Variants in SP1 observed in about 807,000 individuals in gnomAD.
SP1 encodes Sp1 transcription factor, also known as transcription factor Sp1.
A neutral mutation model predicts 66.3 loss-of-function variants in SP1; 6 were observed. The observed-to-expected ratio is 0.09, with a 90% CI of 0.05 to 0.18. SP1 has a LOEUF of 0.18. Among genes scored for constraint, SP1 ranks in the 10% least tolerant of loss-of-function variants. The pLI is 1.00. For missense variants in SP1, 848 were observed against 964.5 expected, an observed-to-expected ratio of 0.88 and a Z score of 1.60; for synonymous variants, 417 against 360.8, an observed-to-expected ratio of 1.16 and a Z score of -1.77.
At chr12:53,392,556 A>C (rs11170529) in intron 3 of SP1, among the ~76,000 whole-genome samples, 25,601 of 150,176 alleles carry the variant, frequency 0.17, 2,262 homozygotes, top group East Asian at 0.2. Flanking sequence ...ACGGGGTTTC[A>C]CCGTTTTAGC....
At chr12:53,396,528 A>G (rs930574189) in intron 3 of SP1, among the ~76,000 whole-genome samples, 12 of 152,200 alleles carry the variant, frequency 7.9e-5, no homozygotes, top group African/African-American at 2.7e-4. Context: ...AGATCATGCC[A>G]CTGCACTCCA....
At chr12:53,386,755 C>T (rs567360949) in intron 3 of SP1, among the ~76,000 whole-genome samples, 22 of 152,146 alleles carry the variant, frequency 1.4e-4, no homozygotes, top group South Asian at 1.2e-3. Context: ...TCCCAAACTG[C>T]TGGGATTACA....
intron 3 of SP1, among the ~76,000 whole-genome samples, chr12:53,404,664 G>C (rs1282333367): frequency 6.6e-6 from 1 of 152,036 alleles, no homozygotes; most frequent in African/African-American, 2.4e-5. Flanking sequence ...AGCATACACT[G>C]TTTATTTATA....
At chr12:53,408,733 C>T (rs979922740) in intron 4 of SP1, among the ~76,000 whole-genome samples, 2 of 150,574 alleles carry the variant, frequency 1.3e-5, no homozygotes, top group East Asian at 2.0e-4. Context: ...GGTGAAACCC[C>T]GTCTCTACTA....
At chr12:53,406,989 T>C (rs1033322673) in intron 4 of SP1, among the ~76,000 whole-genome samples, 1 of 151,968 alleles carries the variant, frequency 6.6e-6, no homozygotes, top group African/African-American at 2.4e-5. Context: ...CACACCCAGC[T>C]ATCTTTTTTT....
rs561051131 is a variant in SP1 at position 53,400,800 on chromosome 12, C to T, written c.1676-5785C>T. On this transcript the variant is annotated intron_variant, in intron 3 of 5. Coordinates refer to ENST00000327443, the MANE Select transcript of SP1 (RefSeq NM_138473.3). ...TTTTTGAGACAGAGTCTCGTTCTGT[C>T]GCCCAGGCTGCAGTGAAGTGGCACA... Among the ~76,000 whole-genome samples the T allele has an allele frequency of 7.8e-5, 11 of 140,518 alleles. No homozygotes were observed. In the East Asian group the frequency reaches 1.9e-3, roughly 24 times the overall value. The allele number at this position is 140,518 out of a possible 152,430, so 92.2% of individuals were successfully genotyped here.
At position 53,383,150 on chromosome 12, in the gene SP1, C is replaced by T. The variant is rs1398647126; in HGVS notation, c.1203C>T (p.Ile401=). Residue 401 remains isoleucine, a synonymous_variant, in exon 3 of 6, where the codon ATC becomes ATT. Transcript: ENST00000327443. ...NQQTQQQQIL[I]QPQLVQGGQA... is the part of the protein sequence containing the mutation. ...AGACACAGCAGCAACAAATTCTTAT[C>T]CAGCCTCAGCTAGTTCAAGGGGGAC... 6.2e-7 allele frequency: 1 copy of T among 1,614,088 alleles called. No homozygotes were observed. The highest frequency in any genetic ancestry group is 8.5e-7 in the Non-Finnish European group (1 of 1,180,046).
chr12:53,397,531 C>T (rs1315726852), intron 3 of SP1, among the ~76,000 whole-genome samples: 20 of 144,354 alleles, frequency 1.4e-4, no homozygotes, highest in Non-Finnish European at 2.2e-4. Flanking sequence ...GTGGTGCAAT[C>T]TTGGCTCACT....
At chr12:53,385,619 T>C (rs1190377215) in intron 3 of SP1, among the ~76,000 whole-genome samples, 1 of 131,924 alleles carries the variant, frequency 7.6e-6, no homozygotes, top group Non-Finnish European at 1.6e-5. Flanking sequence ...TAAATAAAAA[T>C]AAATTTGATT....
intron 3 of SP1, among the ~76,000 whole-genome samples, chr12:53,396,354 G>A (rs1468278650): frequency 6.6e-6 from 1 of 151,434 alleles, no homozygotes; most frequent in Non-Finnish European, 1.5e-5. Flanking sequence ...TGGATCATCA[G>A]GTCAAGAGAT....
chr12:53,391,695 T>TA (rs1354143089), intron 3 of SP1, among the ~76,000 whole-genome samples: 1 of 151,800 alleles, frequency 6.6e-6, no homozygotes, highest in African/African-American at 2.4e-5. Context: ...ATGATCTTGT[T>TA]ACCCGGGTCC....
At chr12:53,408,967 TC>T (rs1938818875) in intron 4 of SP1, among the ~76,000 whole-genome samples, 1 of 151,852 alleles carries the variant, frequency 6.6e-6, no homozygotes, top group Non-Finnish European at 1.5e-5. Flanking sequence ...ACGCCTGTAA[TC>T]CCAGTACTTT....
At chr12:53,391,184 C>T (rs1421897849) in intron 3 of SP1, among the ~76,000 whole-genome samples, 1 of 151,930 alleles carries the variant, frequency 6.6e-6, no homozygotes, top group Non-Finnish European at 1.5e-5. Flanking sequence ...GTATTATTAT[C>T]CTTTTCTTTA....
intron 1 of SP1, 27 bp downstream of exon 1, chr12:53,380,325 G>C (rs1174333026): frequency 6.5e-7 from 1 of 1,532,628 alleles, no homozygotes; most frequent in Non-Finnish European, 8.8e-7. Flanking sequence ...TCCAAGCTTA[G>C]GGGTGGGAGG....
At chr12:53,395,137 T>TG (rs1209125085) in intron 3 of SP1, among the ~76,000 whole-genome samples, 2 of 151,838 alleles carry the variant, frequency 1.3e-5, no homozygotes, top group African/African-American at 4.8e-5. Flanking sequence ...GACCAGGAGT[T>TG]CAAGACCAGC....
chr12:53,394,760 G>A (rs1036134715), intron 3 of SP1, among the ~76,000 whole-genome samples: 1 of 151,164 alleles, frequency 6.6e-6, no homozygotes, highest in African/African-American at 2.4e-5. Context: ...GACTACAGGC[G>A]CCTGCCACCA....
At chr12:53,386,136 A>T (rs1278942826) in intron 3 of SP1, among the ~76,000 whole-genome samples, 1 of 152,104 alleles carries the variant, frequency 6.6e-6, no homozygotes, top group Admixed American at 6.6e-5. Context: ...AGTTATCTGA[A>T]AAACAAAATC....
chr12:53,400,724 G>A (rs1225012389), intron 3 of SP1, among the ~76,000 whole-genome samples: 1 of 151,060 alleles, frequency 6.6e-6, no homozygotes, highest in African/African-American at 2.4e-5. Flanking sequence ...GAGTAGCTGG[G>A]ATTACAGGTG....
At chr12:53,410,612 C>T (rs983929553) in intron 5 of SP1, among the ~76,000 whole-genome samples, 1 of 151,934 alleles carries the variant, frequency 6.6e-6, no homozygotes, top group Non-Finnish European at 1.5e-5. Context: ...CCACGCCATT[C>T]TCCTGCCTCA....
Sources: allele counts gnomAD v4.1 joint callset (sites outside exome capture counted in the v4.1 genomes callset), GRCh38; gene constraint gnomAD v4.1.1; transcripts MANE v1.5; gene names NCBI Gene and HGNC (gene_info 2026-07-23, HGNC 2026-07-21).